Variants in PRKCH observed in about 807,000 individuals in gnomAD.
PRKCH encodes protein kinase C eta, also known as protein kinase C eta type.
A neutral mutation model predicts 82.5 loss-of-function variants in PRKCH; 28 were observed. The ratio of observed to expected loss-of-function variants is 0.34; its 90% CI spans 0.25 to 0.47. The LOEUF (loss-of-function observed/expected upper bound fraction) is 0.47, where lower values mean the gene tolerates loss of function less well. Ranked by LOEUF, PRKCH falls within the 20% of genes least tolerant of loss-of-function variation. The probability of loss-of-function intolerance (pLI) is 1.00; values close to 1 mark genes in which losing one functional copy is unlikely to be tolerated. For missense variants in PRKCH, 705 were observed against 881.8 expected (o/e 0.80, Z 2.54); for synonymous variants, 322 against 327.4 (o/e 0.98, Z 0.18).
chr14:61,536,249 G>A (rs1218719939), intron 12 of PRKCH, among the ~76,000 whole-genome samples: 1 of 152,208 alleles, frequency 6.6e-6, no homozygotes, highest in Non-Finnish European at 1.5e-5. Flanking sequence ...CATACCTGAA[G>A]AGTATCTATG....
chr14:61,536,103 A>G lies in PRKCH; in HGVS notation c.1761+5508A>G, dbSNP rs541615748. ...AAAGAGCTAATGATGTGAGCCACATACAAGCTCCCCTGTGGATCCTGGCCA... is the reference window on the plus strand; with the variant it reads ...AAAGAGCTAATGATGTGAGCCACATGCAAGCTCCCCTGTGGATCCTGGCCA... On this transcript the variant is annotated intron_variant, in intron 12 of 13. Coordinates refer to ENST00000332981, the MANE Select transcript of PRKCH (RefSeq NM_006255.5). 1.3e-4 allele frequency among the ~76,000 whole-genome samples: 20 copies of G among 152,382 alleles called. 1 individual carries two copies. The highest frequency in any genetic ancestry group is 1.2e-3 in the Admixed American group (18 of 15,310).
chr14:61,257,605 ACACACACACACACACACACACACACCCC>A (rs1480315006), intron 1 of PRKCH, among the ~76,000 whole-genome samples: 1 of 41,412 alleles, frequency 2.4e-5, no homozygotes, highest in Admixed American at 2.0e-4. Context: ...TCACACACAG[ACACACACACACACACACACACACACCCC>A]CACACACACA....
At chr14:61,453,859 T>G (rs1884635470) in intron 7 of PRKCH, among the ~76,000 whole-genome samples, 2 of 152,100 alleles carry the variant, frequency 1.3e-5, no homozygotes, top group Admixed American at 6.6e-5. Context: ...AGTCTCACTT[T>G]GTTGCGCAGG....
intron 1 of PRKCH, among the ~76,000 whole-genome samples, chr14:61,219,851 G>C (rs2044641383): frequency 6.6e-6 from 1 of 152,172 alleles, no homozygotes; most frequent in Non-Finnish European, 1.5e-5. Context: ...AAAATGAGGT[G>C]GAGATGGCAG....
intron 1 of PRKCH, among the ~76,000 whole-genome samples, chr14:61,230,131 T>C (rs2044730051): frequency 6.6e-6 from 1 of 152,278 alleles, no homozygotes; most frequent in African/African-American, 2.4e-5. Context: ...AAAGCAAGCC[T>C]AGAGTGCATT....
In PRKCH at chr14:61,188,616, GTGTGTGTGTGTGTGTGT is replaced by G. The variant is rs1594843150; in HGVS notation, c.-19+949_-19+965del. On this transcript the variant is annotated intron_variant, in intron 1 of 3. Transcript: ENST00000555185. ...GGGGGGTGGGGGGGTGGTGTGGTGT[GTGTGTGTGTGTGTGTGT>G]GTGTGTGTGTGTGTGTGTGTGTCCG... Among the ~76,000 whole-genome samples the G allele has an allele frequency of 2.9e-3, 100 of 34,574 alleles. 10 individuals carry two copies. The East Asian group carries it at 0.053, about 18-fold the overall frequency. 22.7% of individuals were successfully genotyped at this position (34,574 alleles called of 152,430 possible).
chr14:61,410,799 C>T (rs539807495), intron 2 of PRKCH, among the ~76,000 whole-genome samples: 1 of 152,196 alleles, frequency 6.6e-6, no homozygotes, highest in Non-Finnish European at 1.5e-5. Context: ...GGCCAGGTCC[C>T]TTGGGTGGTC....
At chr14:61,528,972 A>ACGTGTGTGTG in intron 10 of PRKCH, 103 bp from the exon 11 acceptor site, 1 of 908,116 alleles carries the variant, frequency 1.1e-6, no homozygotes, top group Non-Finnish European at 1.4e-6. Flanking sequence ...ATGTGGCCGC[A>ACGTGTGTGTG]CGTGTGTGTG....
chr14:61,356,283 T>C (rs899972489), intron 1 of PRKCH, among the ~76,000 whole-genome samples: 4 of 152,216 alleles, frequency 2.6e-5, no homozygotes, highest in Admixed American at 2.6e-4. Context: ...CCAAAGTGGA[T>C]GTCCTGTGCT....
At chr14:61,388,165 AAAAG>A (rs1335339854) in intron 1 of PRKCH, among the ~76,000 whole-genome samples, 3 of 151,802 alleles carry the variant, frequency 2.0e-5, no homozygotes, top group African/African-American at 4.8e-5. Flanking sequence ...AAAAAAAAAA[AAAAG>A]AAAGAAATCC....
rs560195007 is a variant in PRKCH, at chr14:61,504,708, A to G, written c.1433+19052A>G. ...TAGGAAATTTAGTAACTAAAGCATTAAGAACAGATTTATTTTTTAACATCA... is the reference window on the plus strand; with the variant it reads ...TAGGAAATTTAGTAACTAAAGCATTGAGAACAGATTTATTTTTTAACATCA... On this transcript the variant is annotated intron_variant, in intron 10 of 13. Coordinates refer to ENST00000332981, the MANE Select transcript of PRKCH (RefSeq NM_006255.5). Among the ~76,000 whole-genome samples, 5 of 152,330 alleles carry G rather than the reference A, an allele frequency of 3.3e-5. No individual in the cohort carries two copies. In the East Asian group the frequency reaches 9.6e-4, roughly 29 times the overall value.
chr14:61,228,047 T>C (rs2044711386), intron 1 of PRKCH, among the ~76,000 whole-genome samples: 2 of 152,142 alleles, frequency 1.3e-5, no homozygotes, highest in African/African-American at 2.4e-5. Flanking sequence ...GGAGTATCCA[T>C]TTACATTGTC....
chr14:61,454,177 C>T (rs1442994121), intron 7 of PRKCH, among the ~76,000 whole-genome samples: 3 of 151,280 alleles, frequency 2.0e-5, no homozygotes, highest in Non-Finnish European at 2.9e-5. Flanking sequence ...GATATTCGCT[C>T]ACTGCAACCT....
In PRKCH at chr14:61,530,475, G is replaced by A; in HGVS notation, c.1641G>A (p.Met547Ile). The change falls in exon 12 of 14, where the codon ATG becomes ATA. Residue 547 changes from methionine to isoleucine, a missense_variant. Transcript: ENST00000332981. ...CAATGGGCGTGTTGCTCTATGAGAT[G>A]CTCTGTGGTCACGCGCCTTTTGAGG... ...WWAMGVLLYE[M>I]LCGHAPFEAE... 1 of 1,612,274 alleles carries A rather than the reference G, an allele frequency of 6.2e-7. No homozygotes were observed. Among genetic ancestry groups the A allele is most frequent in the Non-Finnish European group, 8.5e-7 (1 of 1,179,178 alleles).
At chr14:61,204,621 C>T (rs781679464) in intron 1 of PRKCH, among the ~76,000 whole-genome samples, 6 of 151,892 alleles carry the variant, frequency 4.0e-5, no homozygotes, top group Middle Eastern at 3.2e-3. Context: ...ATTAGTCAAA[C>T]GTGCTGGCAC....
At chr14:61,453,056 A>T (rs948570303) in intron 6 of PRKCH, among the ~76,000 whole-genome samples, 170 bp from the exon 7 acceptor site, 1 of 152,256 alleles carries the variant, frequency 6.6e-6, no homozygotes, top group Non-Finnish European at 1.5e-5. Flanking sequence ...AGAAATAGAT[A>T]AAATGTCAGG....
At chr14:61,495,163 G>A (rs10140585) in intron 10 of PRKCH, among the ~76,000 whole-genome samples, 143,734 of 152,292 alleles carry the variant, frequency 0.94, 68,334 homozygotes, top group East Asian at 1. Flanking sequence ...CATCCTGAGG[G>A]TGTAATCCCA....
chr14:61,234,925 G>A (rs868826), intron 1 of PRKCH, among the ~76,000 whole-genome samples: 53,711 of 152,060 alleles, frequency 0.35, 11,863 homozygotes, highest in African/African-American at 0.62. Flanking sequence ...GACAAACAGA[G>A]CAGTTTTTAT....
chr14:61,504,266 G>A (rs918447655), intron 10 of PRKCH, among the ~76,000 whole-genome samples: 43 of 152,030 alleles, frequency 2.8e-4, no homozygotes, highest in African/African-American at 9.7e-4. Flanking sequence ...TCGGCTCACT[G>A]CAACCTCCAC....
Sources: allele counts gnomAD v4.1 joint callset (sites outside exome capture counted in the v4.1 genomes callset), GRCh38; gene constraint gnomAD v4.1.1; transcripts MANE v1.5; gene names NCBI Gene and HGNC (gene_info 2026-07-23, HGNC 2026-07-21).